Variants in RBM47 observed in about 807,000 individuals in gnomAD.
RBM47 encodes the protein RNA-binding protein 47.
A neutral mutation model predicts 47.1 loss-of-function variants in RBM47; 21 were observed. That is an observed-to-expected ratio of 0.45 (90% CI 0.32 to 0.64). The LOEUF (loss-of-function observed/expected upper bound fraction) is 0.64. Among genes scored for constraint, RBM47 ranks in the 30% least tolerant of loss-of-function variants. The pLI is 0.05. For missense variants in RBM47, 708 were observed against 870.9 expected (o/e 0.81, Z 2.35); for synonymous variants, 375 against 361.7 (o/e 1.04, Z -0.42).
Position 40,438,595 on chromosome 4 carries a change from A to T in RBM47, c.299T>A (p.Leu100Gln). ...GCCGTCAAAGTCCATCATGAGGCGCAGCTCGTAGATGCGGCCCACGGCCTC... is the reference window on the plus strand; with the variant it reads ...GCCGTCAAAGTCCATCATGAGGCGCTGCTCGTAGATGCGGCCCACGGCCTC... ...VFEAVGRIYELRLMMDFDGKN... is the reference protein window; with the variant it reads ...VFEAVGRIYEQRLMMDFDGKN... Residue 100 changes from leucine (L) to glutamine (Q), a missense_variant, in exon 4 of 7, where the codon CTG becomes CAG. Leu to Gln is a moderately radical substitution (Grantham distance 113). Coordinates refer to ENST00000295971, the MANE Select transcript of RBM47 (RefSeq NM_001098634.2). 6.2e-7 allele frequency: 1 copy of T among 1,613,934 alleles called. No individual in the cohort carries two copies. The highest frequency in any genetic ancestry group is 8.5e-7 in the Non-Finnish European group (1 of 1,179,966).
intron 2 of RBM47, among the ~76,000 whole-genome samples, chr4:40,479,617 A>AATAAATAT (rs1553887247): frequency 7.3e-5 from 11 of 151,592 alleles, no homozygotes; most frequent in Admixed American, 2.0e-4. Context: ...TAAATAAATA[A>AATAAATAT]ATATATAAAT....
chr4:40,553,004 G>A (rs1729714021), intron 1 of RBM47, among the ~76,000 whole-genome samples: 1 of 150,826 alleles, frequency 6.6e-6, no homozygotes, highest in Admixed American at 6.6e-5. Flanking sequence ...GTCTCACGCT[G>A]TCACCCAGGC....
intron 1 of RBM47, among the ~76,000 whole-genome samples, chr4:40,548,683 T>G (rs78511953): frequency 6.6e-6 from 1 of 152,000 alleles, no homozygotes; most frequent in Non-Finnish European, 1.5e-5. Context: ...TTTTTTTTTT[T>G]GAGACAGAGT....
intron 2 of RBM47, among the ~76,000 whole-genome samples, chr4:40,494,048 C>A (rs1032691038): frequency 1.3e-4 from 20 of 152,136 alleles, no homozygotes; most frequent in Non-Finnish European, 4.4e-5. Context: ...TGCCAAAGAA[C>A]AATGGTCAGA....
chr4:40,484,582 G>T (rs1030908133), intron 2 of RBM47, among the ~76,000 whole-genome samples: 1 of 152,170 alleles, frequency 6.6e-6, no homozygotes, highest in Non-Finnish European at 1.5e-5. Context: ...CCATAACATT[G>T]CAGGCTTTTG....
intron 1 of RBM47, among the ~76,000 whole-genome samples, chr4:40,611,453 C>T (rs1293563160): frequency 1.3e-5 from 2 of 152,042 alleles, no homozygotes; most frequent in Non-Finnish European, 2.9e-5. Context: ...ATAGGCCGGG[C>T]ACGGTGGCTC....
intron 1 of RBM47, among the ~76,000 whole-genome samples, chr4:40,580,589 T>C (rs1003188842): frequency 6.6e-6 from 1 of 152,202 alleles, no homozygotes; most frequent in Non-Finnish European, 1.5e-5. Flanking sequence ...CAACCGCCCA[T>C]GGGCTGCATT....
chr4:40,507,042 C>T (rs138499269), intron 2 of RBM47, among the ~76,000 whole-genome samples: 1 of 152,286 alleles, frequency 6.6e-6, no homozygotes, highest in African/African-American at 2.4e-5. Flanking sequence ...CTGCAACCTC[C>T]AGCTCCCGGG....
intron 6 of RBM47, among the ~76,000 whole-genome samples, chr4:40,430,093 G>A (rs982752626): frequency 1.3e-5 from 2 of 151,824 alleles, no homozygotes; most frequent in Non-Finnish European, 2.9e-5. Flanking sequence ...TACTCAGGAG[G>A]CTGAGGCCGG....
At chr4:40,448,283 G>GTGTGTGTT (rs1560372900) in intron 3 of RBM47, among the ~76,000 whole-genome samples, 10 of 150,946 alleles carry the variant, frequency 6.6e-5, no homozygotes, top group African/African-American at 2.2e-4. Flanking sequence ...GTGTGTGAGT[G>GTGTGTGTT]TGAGTGTGTG....
chr4:40,554,162 C>T (rs892156837), intron 1 of RBM47, among the ~76,000 whole-genome samples: 3 of 152,110 alleles, frequency 2.0e-5, no homozygotes, highest in African/African-American at 7.2e-5. Context: ...CTCTCTAAGG[C>T]CTCATTCAAC....
At chr4:40,511,431 C>T (rs192437655) in intron 2 of RBM47, among the ~76,000 whole-genome samples, 1 of 152,144 alleles carries the variant, frequency 6.6e-6, no homozygotes, top group African/African-American at 2.4e-5. Flanking sequence ...CTTGTAGAGA[C>T]GTTACTCAAT....
chr4:40,575,274 A>G (rs984616975), intron 1 of RBM47, among the ~76,000 whole-genome samples: 11 of 152,050 alleles, frequency 7.2e-5, no homozygotes, highest in Admixed American at 3.9e-4. Flanking sequence ...ATACCAAGGA[A>G]GCTGGGCGTG....
intron 1 of RBM47, among the ~76,000 whole-genome samples, chr4:40,592,851 C>G (rs1734290957): frequency 6.9e-6 from 1 of 145,440 alleles, no homozygotes; most frequent in South Asian, 2.2e-4. Context: ...CTTATTTCTT[C>G]TTGTGAAACT....
chr4:40,563,508 T>C (rs1265653615), intron 1 of RBM47, among the ~76,000 whole-genome samples: 1 of 152,200 alleles, frequency 6.6e-6, no homozygotes, highest in African/African-American at 2.4e-5. Context: ...ACCTTAGATA[T>C]CAGCTAGTTG....
At chr4:40,624,173 A>G (rs572099986) in intron 1 of RBM47, among the ~76,000 whole-genome samples, 1 of 152,152 alleles carries the variant, frequency 6.6e-6, no homozygotes, top group Non-Finnish European at 1.5e-5. Flanking sequence ...TTTAATCCTT[A>G]TAATAACCCT....
intron 2 of RBM47, among the ~76,000 whole-genome samples, chr4:40,536,249 T>C (rs1727969100): frequency 6.6e-6 from 1 of 152,178 alleles, no homozygotes; most frequent in Non-Finnish European, 1.5e-5. Flanking sequence ...CAGCAACCAC[T>C]GACACACTTG....
intron 1 of RBM47, among the ~76,000 whole-genome samples, chr4:40,624,575 T>C (rs960783004): frequency 2.6e-5 from 4 of 152,180 alleles, no homozygotes; most frequent in Non-Finnish European, 4.4e-5. Context: ...CATGGAGAAA[T>C]AGATCATAGG....
intron 2 of RBM47, chr4:40,502,249 C>G (rs1723473809): frequency 6.5e-6 from 1 of 154,310 alleles, no homozygotes; most frequent in East Asian, 1.9e-4. Flanking sequence ...GACAAATCAC[C>G]TGTTATATTG....
Sources: allele counts gnomAD v4.1 joint callset (sites outside exome capture counted in the v4.1 genomes callset), GRCh38; gene constraint gnomAD v4.1.1; transcripts MANE v1.5; gene names NCBI Gene and HGNC (gene_info 2026-07-23, HGNC 2026-07-21).